TRIO: variants seen among roughly 807,000 people sequenced by gnomAD.
TRIO encodes trio Rho guanine nucleotide exchange factor.
In TRIO, 58 loss-of-function variants were observed where a neutral mutation model predicts 351.9. The ratio of observed to expected loss-of-function variants is 0.16; its 90% CI spans 0.13 to 0.21. TRIO has a LOEUF of 0.21. Among genes scored for constraint, TRIO ranks in the 10% least tolerant of loss-of-function variants. The pLI is 1.00. For synonymous variants in TRIO, 1,758 were observed against 1,595.7 expected (o/e 1.10, Z -2.42); for missense variants, 3,201 against 4,027.8 (o/e 0.79, Z 5.56).
intron 1 of TRIO, among the ~76,000 whole-genome samples, chr5:14,191,834 C>G (rs1443749757): frequency 6.6e-6 from 1 of 152,174 alleles, no homozygotes. Flanking sequence ...CTTCCTGAAC[C>G]TAGTGGCTCT....
rs141521853 is a variant in TRIO at position 14,258,741 on chromosome 5, C to A, written c.158-12084C>A. On this transcript the variant is annotated intron_variant, in intron 1 of 56. Transcript: ENST00000344204. ...GGAGGCCCTGTGGCCCCAGTACCAG[C>A]CCAGTTGCCTCTAGCCATCCCAGCC... is the stretch of plus-strand genomic sequence containing the variant. 5.2e-3 allele frequency among the ~76,000 whole-genome samples: 786 copies of A among 152,324 alleles called. 8 individuals are homozygous for A. Among genetic ancestry groups the A allele is most frequent in the African/African-American group, 0.018 (756 of 41,570 alleles).
intron 36 of TRIO, among the ~76,000 whole-genome samples, chr5:14,464,575 T>C (rs1754105227): frequency 6.6e-6 from 1 of 152,198 alleles, no homozygotes. Flanking sequence ...TGAATTTTTT[T>C]CTTTGTTTTC....
chr5:14,481,770 C>A, intron 45 of TRIO, 152 bp downstream of exon 45: 1 of 363,736 alleles, frequency 2.7e-6, no homozygotes, highest in East Asian at 5.3e-5. Flanking sequence ...TATTTTATTT[C>A]CTTTTTTTTT....
intron 8 of TRIO, among the ~76,000 whole-genome samples, chr5:14,310,011 C>T (rs1194387747): frequency 6.6e-6 from 1 of 152,182 alleles, no homozygotes. Flanking sequence ...TTTAATTAGA[C>T]CTGCCCGTGT....
chr5:14,206,038 A>G (rs1283424299), intron 1 of TRIO, among the ~76,000 whole-genome samples: 2 of 151,824 alleles, frequency 1.3e-5, no homozygotes, highest in Non-Finnish European at 2.9e-5. Context: ...CCGGCCAAAT[A>G]TTTTTCATTT....
chr5:14,397,070 A>G lies in TRIO; in HGVS notation c.4339A>G (p.Lys1447Glu). The G allele has an allele frequency of 6.2e-7, 1 of 1,608,742 alleles. No homozygotes were observed. The highest frequency in any genetic ancestry group is 1.1e-5 in the South Asian group (1 of 88,900). ...GCTGCTGACGTGCTGTGAGGAAGGA[A>G]AGGGAGAGATTAAAGATGGCCTGGA... ...KELLTCCEEG[K>E]GEIKDGLEVM... is the part of the protein sequence containing the mutation. The change falls in exon 29 of 57, where the codon AAG becomes GAG. Residue 1447 changes from lysine (K) to glutamate (E), a missense_variant. This residue lies in a region of TRIO where 115 missense variants were observed against 239.6 expected (regional missense o/e 0.48). Coordinates refer to ENST00000344204, the MANE Select transcript of TRIO (RefSeq NM_007118.4).
intron 9 of TRIO, among the ~76,000 whole-genome samples, chr5:14,318,796 G>T (rs1371956931): frequency 6.6e-6 from 1 of 152,150 alleles, no homozygotes; most frequent in Admixed American, 6.5e-5. Context: ...TCTAATTGTT[G>T]AAAAATTCCC....
chr5:14,383,522 T>C (rs1010150270), intron 21 of TRIO, among the ~76,000 whole-genome samples: 4 of 152,394 alleles, frequency 2.6e-5, no homozygotes, highest in Middle Eastern at 3.4e-3. Flanking sequence ...GTGTGGTTAT[T>C]GAAAGATTGG....
intron 1 of TRIO, among the ~76,000 whole-genome samples, chr5:14,181,089 A>ATTTTTTTTTT (rs35461923): frequency 6.7e-6 from 1 of 148,978 alleles, no homozygotes; most frequent in Non-Finnish European, 1.5e-5. Flanking sequence ...ACTACAATGT[A>ATTTTTTTTTT]TTTTTTTTTG....
chr5:14,399,134 GAGA>G, intron 30 of TRIO, 64 bp downstream of exon 30: 2 of 1,454,858 alleles, frequency 1.4e-6, no homozygotes, highest in African/African-American at 1.4e-5. Context: ...TTTGTAGGTA[GAGA>G]AGAATTGTTC....
At chr5:14,459,710 C>T (rs1319255329) in intron 34 of TRIO, among the ~76,000 whole-genome samples, 2 of 152,108 alleles carry the variant, frequency 1.3e-5, no homozygotes, top group Non-Finnish European at 2.9e-5. Context: ...AGCACTCCAG[C>T]CTGGGTGACA....
At position 14,508,916 on chromosome 5, in the gene TRIO, C is replaced by T. The variant is rs149948237; in HGVS notation, c.*494C>T. The T allele has an allele frequency of 4.2e-3, 699 of 164,948 alleles. 3 individuals carry two copies. The highest frequency in any genetic ancestry group is 0.016 in the African/African-American group (647 of 41,610). 10.2% of individuals were successfully genotyped at this position (164,948 alleles called of 1,614,324 possible). ...AGGCGCCTCGTCTGTGTGCATCTCA[C>T]GCCCGACGTGGCTTCTGAAACGTGC... is the stretch of plus-strand genomic sequence containing the variant. On this transcript the variant is annotated 3_prime_UTR_variant, in exon 57 of 57. Coordinates refer to ENST00000344204, the MANE Select transcript of TRIO (RefSeq NM_007118.4).
intron 9 of TRIO, among the ~76,000 whole-genome samples, chr5:14,321,918 C>T (rs749833202): frequency 5.3e-5 from 8 of 152,236 alleles, no homozygotes; most frequent in Admixed American, 2.0e-4. Context: ...GCCTTTGCTT[C>T]TCCTTTGCCT....
chr5:14,279,413 A>G (rs559325371), intron 2 of TRIO, among the ~76,000 whole-genome samples: 13 of 152,190 alleles, frequency 8.5e-5, no homozygotes, highest in Middle Eastern at 3.2e-3. Context: ...TTTGGTGCAC[A>G]GAAAATAATG....
chr5:14,390,294 T>C lies in TRIO; in HGVS notation c.4122T>C (p.Val1374=). 7 of 1,614,144 alleles carry C rather than the reference T, an allele frequency of 4.3e-6. No homozygotes were observed. Among genetic ancestry groups the C allele is most frequent in the Non-Finnish European group, 5.9e-6 (7 of 1,180,016 alleles). The stretch of plus-strand genomic sequence containing the variant: ...CAGAGGATGTTGGACATTGTTTTGT[T>C]ACTTGGGTAATGAAACCTCAACCAT... ...QLPEDVGHCF[V]TWADKFQMYV... Residue 1374 remains valine (V), a synonymous_variant, in exon 26 of 57, where the codon GTT becomes GTC. Transcript: ENST00000344204.
chr5:14,430,843 G>A (rs1490808983), intron 34 of TRIO, among the ~76,000 whole-genome samples: 1 of 152,008 alleles, frequency 6.6e-6, no homozygotes, highest in Admixed American at 6.6e-5. Flanking sequence ...AGCCTCCCGA[G>A]TAGCTGGGAC....
At chr5:14,411,570 G>A (rs1417511259) in intron 33 of TRIO, among the ~76,000 whole-genome samples, 1 of 150,738 alleles carries the variant, frequency 6.6e-6, no homozygotes, top group East Asian at 1.9e-4. Context: ...ATGAATATAT[G>A]GATTCACATA....
rs12653543 is a variant in TRIO at position 14,454,847 on chromosome 5, C to T, written c.5204-6172C>T. Among the ~76,000 whole-genome samples the T allele has an allele frequency of 1.7e-3, 263 of 152,266 alleles. 4 individuals are homozygous for T. In the East Asian group the frequency reaches 0.037, roughly 21 times the overall value. ...TTACAGTTTTTAAAGATGGTGTGTCCGGAGGTTGTTCCTTCTGATGTTCAG... is the reference window on the plus strand; with the variant it reads ...TTACAGTTTTTAAAGATGGTGTGTCTGGAGGTTGTTCCTTCTGATGTTCAG... On this transcript the variant is annotated intron_variant, in intron 34 of 56. Transcript: ENST00000344204.
At chr5:14,396,074 T>C (rs1254185864) in intron 28 of TRIO, among the ~76,000 whole-genome samples, 1 of 149,806 alleles carries the variant, frequency 6.7e-6, no homozygotes, top group Non-Finnish European at 1.5e-5. Flanking sequence ...AAAAGGATCT[T>C]GGAGCCCACC....
Sources: allele counts gnomAD v4.1 joint callset (sites outside exome capture counted in the v4.1 genomes callset), GRCh38; gene constraint gnomAD v4.1.1; regional missense constraint gnomAD v4.1.1; transcripts MANE v1.5; gene names NCBI Gene and HGNC (gene_info 2026-07-23, HGNC 2026-07-21).